RIMS2: variants seen among roughly 807,000 people sequenced by gnomAD.
RIMS2 encodes the protein regulating synaptic membrane exocytosis 2.
A neutral mutation model predicts 174.4 loss-of-function variants in RIMS2; 59 were observed. The observed-to-expected ratio is 0.34, with a 90% CI of 0.27 to 0.42. The LOEUF (loss-of-function observed/expected upper bound fraction) is 0.42. Ranked by LOEUF, RIMS2 falls within the 10% of genes least tolerant of loss-of-function variation. RIMS2 has a pLI of 1.00. For missense variants in RIMS2, 1,620 were observed against 1,666.3 expected (o/e 0.97, Z 0.48); for synonymous variants, 606 against 572.5 (o/e 1.06, Z -0.84).
At chr8:103,876,868 A>ATG in intron 3 of RIMS2, among the ~76,000 whole-genome samples, 1 of 18,424 alleles carries the variant, frequency 5.4e-5, no homozygotes, top group Non-Finnish European at 1.1e-4. Context: ...ACTATTTTAT[A>ATG]TATATATATA....
intron 1 of RIMS2, among the ~76,000 whole-genome samples, chr8:103,574,685 G>A (rs1429746076): frequency 6.6e-6 from 1 of 152,142 alleles, no homozygotes; most frequent in Admixed American, 6.6e-5. Context: ...TGTTACGAGT[G>A]GTACTTGGCT....
intron 19 of RIMS2, among the ~76,000 whole-genome samples, chr8:104,187,326 A>C (rs949269997): frequency 6.6e-5 from 10 of 151,848 alleles, no homozygotes. Context: ...TTCAGTGCTT[A>C]TAATATGAAC....
At chr8:104,003,734 T>C (rs1441795032) in intron 17 of RIMS2, among the ~76,000 whole-genome samples, 1 of 152,128 alleles carries the variant, frequency 6.6e-6, no homozygotes, top group African/African-American at 2.4e-5. Flanking sequence ...TATATACTCT[T>C]CATAAATGTT....
intron 1 of RIMS2, among the ~76,000 whole-genome samples, chr8:103,519,872 T>C (rs1416387209): frequency 6.6e-6 from 1 of 152,000 alleles, no homozygotes; most frequent in Non-Finnish European, 1.5e-5. Context: ...ATTCATCTGG[T>C]TAGAGCTTAG....
chr8:104,141,717 C>A (rs1286020436), intron 19 of RIMS2, among the ~76,000 whole-genome samples: 2 of 152,192 alleles, frequency 1.3e-5, no homozygotes, highest in Admixed American at 1.3e-4. Context: ...TTTCCTCTAA[C>A]AAGCATTCTC....
chr8:103,620,778 A>G (rs1195414408), intron 1 of RIMS2, among the ~76,000 whole-genome samples: 1 of 152,208 alleles, frequency 6.6e-6, no homozygotes, highest in Non-Finnish European at 1.5e-5. Flanking sequence ...TTATGTAGAA[A>G]GTGCCTGGCA....
intron 3 of RIMS2, among the ~76,000 whole-genome samples, chr8:103,859,743 T>C (rs2099048517): frequency 6.6e-6 from 1 of 152,056 alleles, no homozygotes; most frequent in South Asian, 2.1e-4. Flanking sequence ...TATATTTCAC[T>C]GTGGGTAAGG....
chr8:103,745,671 T>A (rs1298406285), intron 2 of RIMS2, among the ~76,000 whole-genome samples: 1 of 152,224 alleles, frequency 6.6e-6, no homozygotes, highest in Non-Finnish European at 1.5e-5. Flanking sequence ...TCAGTGGGTA[T>A]GAAGTGGTAT....
intron 3 of RIMS2, 49 bp downstream of exon 6, chr8:103,766,586 A>G: frequency 8.1e-7 from 1 of 1,240,442 alleles, no homozygotes; most frequent in Non-Finnish European, 1.1e-6. Flanking sequence ...TTTAGTCTTC[A>G]TTCCAAACAG....
chr8:103,866,836 T>A (rs2099086712), intron 3 of RIMS2, among the ~76,000 whole-genome samples: 1 of 152,080 alleles, frequency 6.6e-6, no homozygotes, highest in African/African-American at 2.4e-5. Flanking sequence ...TTGAAATTAA[T>A]CTGACGCTTT....
intron 1 of RIMS2, among the ~76,000 whole-genome samples, chr8:103,557,978 G>A (rs2090817877): frequency 1.3e-5 from 2 of 152,138 alleles, no homozygotes; most frequent in South Asian, 4.2e-4. Flanking sequence ...ATTTAAGATT[G>A]GGTTATCTCC....
intron 3 of RIMS2, among the ~76,000 whole-genome samples, chr8:103,793,432 A>G (rs1203825428): frequency 6.6e-6 from 1 of 152,210 alleles, no homozygotes; most frequent in Non-Finnish European, 1.5e-5. Context: ...GACATATCTC[A>G]AAATAATAAG....
rs376807388 is a variant in RIMS2, at chr8:104,177,015, A to T, written c.3335-67901A>T. On this transcript the variant is annotated intron_variant, in intron 19 of 23. Coordinates refer to ENST00000504942, the Ensembl canonical transcript of RIMS2. ...GTCAGCAGACACGTGTATAGATCACATCAATGGGTTAATCAACTCATAGAT... is the reference window on the plus strand; with the variant it reads ...GTCAGCAGACACGTGTATAGATCACTTCAATGGGTTAATCAACTCATAGAT... 2.0e-4 allele frequency among the ~76,000 whole-genome samples: 31 copies of T among 152,288 alleles called. No homozygotes were observed. In the East Asian group the frequency reaches 5.4e-3, roughly 27 times the overall value.
intron 3 of RIMS2, among the ~76,000 whole-genome samples, chr8:103,816,022 C>T (rs1010362709): frequency 1.3e-5 from 2 of 152,146 alleles, no homozygotes; most frequent in Non-Finnish European, 2.9e-5. Context: ...ATACCATGTT[C>T]TTTCTGTTCT....
At chr8:103,724,012 G>C (rs1388091331) in intron 2 of RIMS2, among the ~76,000 whole-genome samples, 1 of 152,078 alleles carries the variant, frequency 6.6e-6, no homozygotes, top group East Asian at 1.9e-4. Context: ...CCTGATACTG[G>C]GGTACCCACT....
Position 103,696,885 on chromosome 8 carries a change from A to AAAAC in RIMS2, c.177-201_177-200insAAAC, listed in dbSNP as rs1554753422. Among the ~76,000 whole-genome samples, 811 of 136,774 alleles carry AAAAC rather than the reference A, an allele frequency of 5.9e-3. 32 individuals are homozygous for AAAAC. Among genetic ancestry groups the AAAAC allele is most frequent in the African/African-American group, 8.9e-3 (319 of 35,952 alleles). The allele number at this position is 136,774 out of a possible 152,430, so 89.7% of individuals were successfully genotyped here. ...CTCAAAAAAAAAAAAAAAAAAAAAA[A>AAAAC]GAAGGTAGAACTAGTTGCAATACTT... On this transcript the variant is annotated intron_variant, in intron 1 of 23. Coordinates refer to ENST00000504942, the Ensembl canonical transcript of RIMS2.
At chr8:103,998,347 C>T (rs1484663656) in intron 17 of RIMS2, 2 of 674,320 alleles carry the variant, frequency 3.0e-6, no homozygotes, top group African/African-American at 3.8e-5. Context: ...TATGTATATA[C>T]ATATATGGTT....
chr8:103,887,192 A>T (rs2099208460), intron 4 of RIMS2, among the ~76,000 whole-genome samples: 1 of 151,654 alleles, frequency 6.6e-6, no homozygotes, highest in Admixed American at 6.6e-5. Context: ...GTTTATCTGC[A>T]TTTGATATCT....
chr8:104,159,847 A>G (rs548806291), intron 19 of RIMS2, among the ~76,000 whole-genome samples: 1 of 152,272 alleles, frequency 6.6e-6, no homozygotes, highest in African/African-American at 2.4e-5. Flanking sequence ...TTCAATCTTA[A>G]GAGTCATCTG....
Sources: gnomAD v4.1 joint callset for allele counts (sites outside exome capture counted in the v4.1 genomes callset) on GRCh38, gnomAD v4.1.1 for gene constraint, MANE v1.5 for transcripts, NCBI Gene and HGNC (gene_info 2026-07-23, HGNC 2026-07-21) for gene names.